PSPC1: variants seen among roughly 807,000 people sequenced by gnomAD.
The protein encoded by PSPC1 is paraspeckle protein 1.
In PSPC1, 14 loss-of-function variants were observed where a neutral mutation model predicts 51.6. The observed-to-expected ratio is 0.27, with a 90% CI of 0.18 to 0.42. The LOEUF (loss-of-function observed/expected upper bound fraction) is 0.42, where lower values mean the gene tolerates loss of function less well. Among genes scored for constraint, PSPC1 ranks in the 10% least tolerant of loss-of-function variants. The probability of loss-of-function intolerance (pLI) is 1.00; values close to 1 mark genes in which losing one functional copy is unlikely to be tolerated. For synonymous variants in PSPC1, 193 were observed against 231.9 expected (o/e 0.83, Z 1.53); for missense variants, 406 against 701.1 (o/e 0.58, Z 4.75).
chr13:19,758,015 TA>T (rs61573431), intron 3 of PSPC1, among the ~76,000 whole-genome samples: 16,069 of 150,790 alleles, frequency 0.11, 990 homozygotes, highest in African/African-American at 0.17. Flanking sequence ...TTTATAAACT[TA>T]AAAAAAAAAT....
intron 1 of PSPC1, among the ~76,000 whole-genome samples, chr13:19,779,885 C>A (rs1889714101): frequency 3.2e-5 from 4 of 125,154 alleles, no homozygotes; most frequent in Non-Finnish European, 1.7e-5. Context: ...CCCGCCCGGC[C>A]AGCCGCCCCG....
intron 4 of PSPC1, among the ~76,000 whole-genome samples, chr13:19,749,248 G>A (rs1249336214): frequency 1.3e-5 from 2 of 152,000 alleles, no homozygotes; most frequent in African/African-American, 2.4e-5. Context: ...CTTAGGAGGC[G>A]GAGGCAGGAG....
At position 19,782,609 on chromosome 13, in the gene PSPC1, G is replaced by C; in HGVS notation, c.149C>G (p.Pro50Arg). 1 of 1,580,322 alleles carries C rather than the reference G, an allele frequency of 6.3e-7. No homozygotes were observed. Among genetic ancestry groups the C allele is most frequent in the Non-Finnish European group, 8.6e-7 (1 of 1,166,602 alleles). ...GTCCGGGTGGTCCTCTGGAGGCGCG[G>C]GCGCGGGCGGTGCCGGCTCCCCGGC... ...ALAGEPAPPA[P>R]APPEDHPDEE... is the part of the protein sequence containing the mutation. Residue 50 changes from proline (P) to arginine (R), a missense_variant, in exon 1 of 9, where the codon CCC (proline) becomes CGC (arginine). Pro to Arg is a moderately radical substitution (Grantham distance 103, BLOSUM62 -2). Around this residue, in one of 5 missense-constraint regions of PSPC1, gnomAD observed 128 missense variants for 107.1 expected, o/e 1.20. Coordinates refer to ENST00000338910, the MANE Select transcript of PSPC1 (RefSeq NM_001354909.2). The surrounding 1 kb of genome is among the most constrained non-coding windows in gnomAD (Gnocchi z 4.5).
chr13:19,676,098 T>C (rs964871174), intron 7 of PSPC1, among the ~76,000 whole-genome samples: 1 of 152,196 alleles, frequency 6.6e-6, no homozygotes, highest in Non-Finnish European at 1.5e-5. Context: ...CCTTCTCTCT[T>C]TGAAGGCCAC....
intron 1 of PSPC1, among the ~76,000 whole-genome samples, chr13:19,776,325 G>T (rs1393998544): frequency 6.6e-6 from 1 of 151,972 alleles, no homozygotes; most frequent in African/African-American, 2.4e-5. Context: ...AATTAGCTGG[G>T]TGTGGTGGTG....
intron 1 of PSPC1, among the ~76,000 whole-genome samples, chr13:19,776,576 A>C (rs903218169): frequency 1.9e-4 from 29 of 151,550 alleles, no homozygotes; most frequent in African/African-American, 6.5e-4. Context: ...GCAGCTGCGC[A>C]ATCTCACTGC....
chr13:19,676,100 G>A (rs1189166240), intron 7 of PSPC1, among the ~76,000 whole-genome samples: 2 of 152,084 alleles, frequency 1.3e-5, no homozygotes, highest in African/African-American at 4.8e-5. Context: ...TTCTCTCTTT[G>A]AAGGCCACAG....
At chr13:19,680,311 G>A (rs1877132722) in intron 6 of PSPC1, among the ~76,000 whole-genome samples, 1 of 152,012 alleles carries the variant, frequency 6.6e-6, no homozygotes, top group Non-Finnish European at 1.5e-5. Flanking sequence ...CACCATGCCC[G>A]GCCCAATATT....
At chr13:19,697,290 C>G (rs971076812) in intron 6 of PSPC1, among the ~76,000 whole-genome samples, 1 of 152,094 alleles carries the variant, frequency 6.6e-6, no homozygotes, top group Non-Finnish European at 1.5e-5. Context: ...AATGAGCCTC[C>G]CAGGTGATTC....
intron 4 of PSPC1, 49 bp from the exon 5 acceptor site, chr13:19,741,698 T>G: frequency 8.1e-7 from 1 of 1,227,256 alleles, no homozygotes. Context: ...CCTTTCCATA[T>G]TTTTATACCA....
chr13:19,727,331 T>A (rs923297664), intron 6 of PSPC1, among the ~76,000 whole-genome samples: 1 of 151,996 alleles, frequency 6.6e-6, no homozygotes, highest in Admixed American at 6.6e-5. Context: ...GAGGCAGAGG[T>A]TGCAGTGAGC....
intron 6 of PSPC1, among the ~76,000 whole-genome samples, chr13:19,711,966 T>C (rs1017732438): frequency 2.6e-5 from 4 of 152,204 alleles, no homozygotes; most frequent in African/African-American, 9.7e-5. Flanking sequence ...CAAATTGCCA[T>C]TTCCTTATCA....
At chr13:19,763,267 C>A (rs1039136182) in intron 2 of PSPC1, among the ~76,000 whole-genome samples, 1 of 152,124 alleles carries the variant, frequency 6.6e-6, no homozygotes, top group East Asian at 1.9e-4. Context: ...GATATCCTCT[C>A]GCTTCAGCCT....
intron 2 of PSPC1, among the ~76,000 whole-genome samples, chr13:19,767,644 A>AT (rs145447659): frequency 0.032 from 4,791 of 150,930 alleles, 87 homozygotes; most frequent in Middle Eastern, 0.076. Flanking sequence ...AAAAGTACAG[A>AT]TTTTTTTTTT....
intron 6 of PSPC1, among the ~76,000 whole-genome samples, chr13:19,712,488 CTTCTT>C (rs1218700963): frequency 9.2e-5 from 14 of 152,146 alleles, no homozygotes; most frequent in African/African-American, 3.4e-4. Flanking sequence ...CACAAAGTAC[CTTCTT>C]TTATTATTAA....
downstream of PSPC1, among the ~76,000 whole-genome samples, chr13:19,699,627 T>G (rs1879664125): frequency 6.6e-6 from 1 of 151,968 alleles, no homozygotes. Flanking sequence ...AGTATGAAAT[T>G]AACCTAAAAA....
intron 5 of PSPC1, among the ~76,000 whole-genome samples, chr13:19,730,901 C>T (rs1007300975): frequency 3.6e-5 from 5 of 137,144 alleles, no homozygotes; most frequent in Admixed American, 8.5e-5. Context: ...GAGCGGAGAT[C>T]GCGCCCCTGC....
downstream of PSPC1, among the ~76,000 whole-genome samples, chr13:19,701,080 T>A (rs1879850467): frequency 1.3e-5 from 2 of 152,224 alleles, no homozygotes; most frequent in Non-Finnish European, 2.9e-5. Flanking sequence ...TGGGAAAAAG[T>A]TGTGTAGAAC....
At chr13:19,732,611 T>C (rs1158387992) in intron 5 of PSPC1, among the ~76,000 whole-genome samples, 2 of 152,154 alleles carry the variant, frequency 1.3e-5, no homozygotes, top group Non-Finnish European at 2.9e-5. Flanking sequence ...TCACGTCAGA[T>C]TGCCACCTGA....
Sources: gnomAD v4.1 joint callset for allele counts (sites outside exome capture counted in the v4.1 genomes callset) on GRCh38, gnomAD v4.1.1 for gene constraint, gnomAD v4.1.1 regional missense constraint, Gnocchi (gnomAD v3.1) non-coding constraint, MANE v1.5 for transcripts, NCBI Gene and HGNC (gene_info 2026-07-23, HGNC 2026-07-21) for gene names.